KIF13B: variants seen among roughly 807,000 people sequenced by gnomAD.
The protein encoded by KIF13B is kinesin family member 13B.
In KIF13B, 127 loss-of-function variants were observed where a neutral mutation model predicts 222.0. The observed-to-expected ratio is 0.57, with a 90% CI of 0.50 to 0.66. The LOEUF is 0.66. Among genes scored for constraint, KIF13B ranks in the 30% least tolerant of loss-of-function variants. The pLI is 0.00. For missense variants in KIF13B, 2,173 were observed against 2,379.0 expected, an observed-to-expected ratio of 0.91 and a Z score of 1.80; for synonymous variants, 976 against 919.0, an observed-to-expected ratio of 1.06 and a Z score of -1.12.
At chr8:29,157,660 G>A (rs1811596118) in intron 13 of KIF13B, among the ~76,000 whole-genome samples, 1 of 151,874 alleles carries the variant, frequency 6.6e-6, no homozygotes, top group East Asian at 1.9e-4. Context: ...AGCTGAGATC[G>A]TGCCACTGCA....
At chr8:29,188,771 T>C (rs1346582954) in intron 4 of KIF13B, among the ~76,000 whole-genome samples, 164 bp from the exon 5 acceptor site, 1 of 152,272 alleles carries the variant, frequency 6.6e-6, no homozygotes, top group Non-Finnish European at 1.5e-5. Flanking sequence ...CCTTCCAGGT[T>C]ATTTCTAGTT....
At chr8:29,224,896 A>G (rs772960751) in intron 2 of KIF13B, among the ~76,000 whole-genome samples, 4 of 152,192 alleles carry the variant, frequency 2.6e-5, no homozygotes, top group Non-Finnish European at 5.9e-5. Context: ...GAATACAAAC[A>G]GTGAGGACTT....
chr8:29,139,941 A>G, intron 21 of KIF13B, 122 bp downstream of exon 21: 1 of 832,926 alleles, frequency 1.2e-6, no homozygotes, highest in Non-Finnish European at 1.8e-6. Context: ...AAAGACCTGC[A>G]GTTCTCAAAA....
rs766733375 is a variant in KIF13B, at chr8:29,167,358, G to C, written c.1158+15C>G. ...CTTCCTGGACTCACAGGGCGCACGCGGTGGTGCCTCCTACCTCTGCTTTGG... is the reference window on the plus strand; with the variant it reads ...CTTCCTGGACTCACAGGGCGCACGCCGTGGTGCCTCCTACCTCTGCTTTGG... On this transcript the variant is annotated intron_variant, in intron 11 of 39. Coordinates refer to ENST00000524189, the MANE Select transcript of KIF13B (RefSeq NM_015254.4). The C allele has an allele frequency of 5.0e-6, 8 of 1,599,802 alleles. No homozygotes were observed. The highest frequency in any genetic ancestry group is 6.8e-6 in the Non-Finnish European group (8 of 1,169,388).
At chr8:29,230,966 A>G (rs1376187471) in intron 2 of KIF13B, among the ~76,000 whole-genome samples, 1 of 152,126 alleles carries the variant, frequency 6.6e-6, no homozygotes, top group East Asian at 1.9e-4. Context: ...TGCAGCCTCA[A>G]CCTCCCCAGA....
intron 1 of KIF13B, among the ~76,000 whole-genome samples, chr8:29,257,106 G>A (rs1435753408): frequency 6.6e-6 from 1 of 152,086 alleles, no homozygotes; most frequent in Admixed American, 6.6e-5. Flanking sequence ...GCATTAAAAA[G>A]CATTGAACTC....
rs774273900 is a variant in KIF13B at position 29,109,434 on chromosome 8, T to C, written c.4161A>G (p.Arg1387=). The change falls in exon 34 of 40, where the codon AGA becomes AGG. Residue 1387 remains arginine (R), a splice_region_variant and synonymous_variant. Coordinates refer to ENST00000524189, the MANE Select transcript of KIF13B (RefSeq NM_015254.4). ...RRSISSPNVN[R]LSGSRQDLIP... The stretch of plus-strand genomic sequence containing the variant: ...ACAGAGCTTGGTTCCACACACTCAC[T>C]CTGTTCACATTTGGAGAACTGATAC... 16 of 1,612,508 alleles carry C rather than the reference T, an allele frequency of 9.9e-6. No homozygotes were observed. The highest frequency in any genetic ancestry group is 1.4e-5 in the Non-Finnish European group (16 of 1,178,516).
Position 29,142,241 on chromosome 8 carries a change from A to T in KIF13B, c.2250T>A (p.Ile750=). ...TGTTGTCCAGTTTTTCCAAAGACCA[A>T]ATCTGCTTTCCTTTTCCTTTTCTTC... ...QVRRKGKGKQ[I]WSLEKLDNRL... is the part of the protein sequence containing the mutation. Residue 750 remains isoleucine (I), a synonymous_variant, in exon 19 of 40, where the codon ATT becomes ATA. Transcript: ENST00000524189. 6.2e-7 allele frequency: 1 copy of T among 1,613,688 alleles called. No homozygotes were observed. Among genetic ancestry groups the T allele is most frequent in the East Asian group, 2.2e-5 (1 of 44,886 alleles).
chr8:29,099,500 T>C (rs1480884374), intron 35 of KIF13B, among the ~76,000 whole-genome samples: 1 of 152,122 alleles, frequency 6.6e-6, no homozygotes, highest in Non-Finnish European at 1.5e-5. Context: ...TCAGCCTCCA[T>C]AGCAGTGGGG....
chr8:29,232,012 TG>T (rs1408240280), intron 2 of KIF13B, among the ~76,000 whole-genome samples: 2 of 152,136 alleles, frequency 1.3e-5, no homozygotes, highest in Admixed American at 1.3e-4. Flanking sequence ...TCTCAACACT[TG>T]GGAGGCTGAG....
chr8:29,130,441 T>C (rs1810294273), intron 24 of KIF13B, 92 bp downstream of exon 24: 1 of 1,320,800 alleles, frequency 7.6e-7, no homozygotes, highest in Non-Finnish European at 1.1e-6. Context: ...CCAGTCTAGA[T>C]TTCATTATTG....
chr8:29,177,160 T>A (rs1812516102), intron 9 of KIF13B, among the ~76,000 whole-genome samples: 1 of 151,880 alleles, frequency 6.6e-6, no homozygotes, highest in Non-Finnish European at 1.5e-5. Context: ...GCAGCTACTA[T>A]CGCCATCTAG....
intron 38 of KIF13B, among the ~76,000 whole-genome samples, chr8:29,074,058 A>C (rs1320584375): frequency 1.3e-5 from 2 of 152,232 alleles, no homozygotes; most frequent in Non-Finnish European, 2.9e-5. Context: ...AGAGCCGGGA[A>C]TCTGAACGGT....
rs1239457344 is a variant in KIF13B, at chr8:29,140,494, C to T, written c.2458G>A (p.Val820Ile). 3.7e-6 allele frequency: 6 copies of T among 1,613,770 alleles called. No individual in the cohort carries two copies. Among genetic ancestry groups the T allele is most frequent in the Non-Finnish European group, 4.2e-6 (5 of 1,179,814 alleles). Residue 820 changes from valine to isoleucine, a missense_variant, in exon 20 of 40, where the codon GTT becomes ATT. This residue lies in a region of KIF13B where 1,480 missense variants were observed against 1,722.8 expected (regional missense o/e 0.86). Transcript: ENST00000524189. ...LFYDVKLQYA[V>I]PIINQKGEVA... ...TCTCCTTTCTGGTTGATGATGGGAACAGCGTATTGTAACTTCACATCATAG... is the reference window on the plus strand; with the variant it reads ...TCTCCTTTCTGGTTGATGATGGGAATAGCGTATTGTAACTTCACATCATAG...
intron 24 of KIF13B, among the ~76,000 whole-genome samples, chr8:29,129,654 A>T (rs980815941): frequency 2.0e-5 from 3 of 152,054 alleles, no homozygotes; most frequent in African/African-American, 7.2e-5. Context: ...AGCAAAAAAA[A>T]AAAATTCCAA....
At chr8:29,150,603 C>T (rs1811254523) in intron 14 of KIF13B, among the ~76,000 whole-genome samples, 1 of 152,168 alleles carries the variant, frequency 6.6e-6, no homozygotes, top group African/African-American at 2.4e-5. Flanking sequence ...CTGCGCTTTG[C>T]TTTATTGTGC....
intron 35 of KIF13B, among the ~76,000 whole-genome samples, chr8:29,099,769 T>C (rs1386835925): frequency 6.6e-6 from 1 of 152,206 alleles, no homozygotes; most frequent in Non-Finnish European, 1.5e-5. Context: ...CCCTCCATAC[T>C]GCAGTTTACA....
At chr8:29,122,122 C>T (rs958103630) in intron 29 of KIF13B, among the ~76,000 whole-genome samples, 1 of 152,034 alleles carries the variant, frequency 6.6e-6, no homozygotes, top group Non-Finnish European at 1.5e-5. Flanking sequence ...GGCGTGGTGG[C>T]ACAAGCCTGT....
chr8:29,105,608 T>G (rs576836662), intron 35 of KIF13B, among the ~76,000 whole-genome samples: 1 of 151,858 alleles, frequency 6.6e-6, no homozygotes, highest in East Asian at 1.9e-4. Context: ...TTTTCTGTTA[T>G]TGTATCCATT....
Sources: allele counts gnomAD v4.1 joint callset (sites outside exome capture counted in the v4.1 genomes callset), GRCh38; gene constraint gnomAD v4.1.1; regional missense constraint gnomAD v4.1.1; transcripts MANE v1.5; gene names NCBI Gene and HGNC (gene_info 2026-07-23, HGNC 2026-07-21).